The following GPC6 variants were observed in gnomAD, a reference collection of about 807,000 sequenced individuals.
GPC6 encodes glypican 6.
In GPC6, 14 loss-of-function variants were observed where a neutral mutation model predicts 55.2. That is an observed-to-expected ratio of 0.25 (90% CI 0.17 to 0.40). The LOEUF is 0.40. Among genes scored for constraint, GPC6 ranks in the 10% least tolerant of loss-of-function variants. The pLI, the probability that GPC6 is intolerant of heterozygous loss-of-function variation, is 1.00. For missense variants in GPC6, 641 were observed against 708.5 expected (o/e 0.90, Z 1.08); for synonymous variants, 278 against 259.6 (o/e 1.07, Z -0.68).
At chr13:94,158,923 TC>T (rs147346147) in intron 4 of GPC6, among the ~76,000 whole-genome samples, 3,784 of 152,200 alleles carry the variant, frequency 0.025, 129 homozygotes, top group African/African-American at 0.073. Context: ...TTTACCACTA[TC>T]CCCCAATATT....
At chr13:93,575,055 A>T (rs926489467) in intron 2 of GPC6, among the ~76,000 whole-genome samples, 9 of 152,112 alleles carry the variant, frequency 5.9e-5, no homozygotes, top group Admixed American at 3.3e-4. Flanking sequence ...GCATTTTGGG[A>T]GGCCGAGGCG....
At chr13:94,058,456 A>C (rs1884208451) in intron 4 of GPC6, among the ~76,000 whole-genome samples, 1 of 152,166 alleles carries the variant, frequency 6.6e-6, no homozygotes, top group South Asian at 2.1e-4. Flanking sequence ...TTTGGCTGTT[A>C]AGCAATTGTC....
chr13:93,725,464 A>G (rs573837763), intron 2 of GPC6, among the ~76,000 whole-genome samples: 1 of 152,172 alleles, frequency 6.6e-6, no homozygotes, highest in East Asian at 1.9e-4. Flanking sequence ...TGCTTCTCAG[A>G]CCCTTTCTAA....
intron 2 of GPC6, among the ~76,000 whole-genome samples, chr13:93,589,115 G>T (rs1186540935): frequency 2.0e-5 from 3 of 152,254 alleles, no homozygotes; most frequent in South Asian, 2.1e-4. Flanking sequence ...TTTACAGAAA[G>T]TTGGAAAAAG....
At chr13:93,840,715 C>T (rs74364202) in intron 3 of GPC6, among the ~76,000 whole-genome samples, 1 of 151,980 alleles carries the variant, frequency 6.6e-6, no homozygotes, top group Non-Finnish European at 1.5e-5. Context: ...TTGCCTATCC[C>T]CCTCAAATAC....
intron 4 of GPC6, among the ~76,000 whole-genome samples, chr13:94,183,246 T>C (rs1230758704): frequency 6.6e-5 from 10 of 152,196 alleles, no homozygotes; most frequent in Admixed American, 6.5e-4. Context: ...TAATCTCTAT[T>C]CTATTTTCTG....
intron 1 of GPC6, among the ~76,000 whole-genome samples, chr13:93,386,369 C>G (rs1260824720): frequency 1.3e-5 from 2 of 152,156 alleles, no homozygotes; most frequent in African/African-American, 4.8e-5. Flanking sequence ...CTAACACTTG[C>G]AATTGCAGTC....
In GPC6 at chr13:94,038,658, A is replaced by T. The variant is rs533107391; in HGVS notation, c.877+10764A>T. Among the ~76,000 whole-genome samples, 9 of 152,048 alleles carry T rather than the reference A, an allele frequency of 5.9e-5. No homozygotes were observed. The East Asian group carries it at 1.2e-3, about 20-fold the overall frequency. ...GTACGTACCTCTTAGCATTGTGAGG[A>T]TTAAACTAGATAATTTATGTAAATC... On this transcript the variant is annotated intron_variant, in intron 4 of 8. Transcript: ENST00000377047.
intron 4 of GPC6, among the ~76,000 whole-genome samples, chr13:94,034,217 G>GAAGC (rs1883249719): frequency 6.7e-6 from 1 of 148,862 alleles, no homozygotes; most frequent in East Asian, 2.0e-4. Context: ...AGGAAGGAAG[G>GAAGC]AAGGAAGGAA....
intron 3 of GPC6, among the ~76,000 whole-genome samples, chr13:93,952,392 G>T (rs1879290673): frequency 6.6e-6 from 1 of 152,044 alleles, no homozygotes; most frequent in African/African-American, 2.4e-5. Context: ...ATCCTGAGTT[G>T]ATATGTAGAA....
chr13:94,183,264 AT>A (rs1261988735), intron 4 of GPC6, among the ~76,000 whole-genome samples: 2 of 152,072 alleles, frequency 1.3e-5, no homozygotes, highest in Non-Finnish European at 2.9e-5. Context: ...CTGTCTCTGA[AT>A]TTGCCTATTC....
chr13:93,849,381 A>G lies in GPC6; in HGVS notation c.711+18836A>G, dbSNP rs1214750457. 3.3e-5 allele frequency among the ~76,000 whole-genome samples: 5 copies of G among 152,096 alleles called. No individual in the cohort carries two copies. The South Asian group carries it at 6.2e-4, about 19-fold the overall frequency. On this transcript the variant is annotated intron_variant, in intron 3 of 8. Coordinates refer to ENST00000377047, the MANE Select transcript of GPC6 (RefSeq NM_005708.5). ...AGAGATAAAATTAAATACTCATGGC[A>G]TGTTGTTACCCAACAGAGTGGTAGC...
intron 4 of GPC6, among the ~76,000 whole-genome samples, chr13:94,267,298 G>A (rs1247757105): frequency 2.6e-5 from 4 of 152,008 alleles, no homozygotes; most frequent in Non-Finnish European, 5.9e-5. Context: ...AACCTATAAG[G>A]GTTAGCTTGG....
intron 4 of GPC6, among the ~76,000 whole-genome samples, chr13:94,227,825 C>T (rs1392007090): frequency 6.6e-6 from 1 of 152,120 alleles, no homozygotes; most frequent in Non-Finnish European, 1.5e-5. Context: ...ATCTTGAACA[C>T]TGCCAATCAC....
the GPC6 span, among the ~76,000 whole-genome samples, chr13:93,220,914 C>T: frequency 4.7e-5 from 7 of 150,104 alleles, no homozygotes; most frequent in African/African-American, 1.8e-4. Flanking sequence ...GTGATGGGCT[C>T]TTACTGTCAC....
In GPC6 at chr13:94,075,503, A is replaced by G. The variant is rs544321011; in HGVS notation, c.877+47609A>G. ...TACCCACTTAATAAATTTTAAGTGC[A>G]CATTACCATACTGTTAATTATAGGC... On this transcript the variant is annotated intron_variant, in intron 4 of 8. Coordinates refer to ENST00000377047, the MANE Select transcript of GPC6 (RefSeq NM_005708.5). Among the ~76,000 whole-genome samples, 23 of 152,222 alleles carry G rather than the reference A, an allele frequency of 1.5e-4. No individual in the cohort carries two copies. The South Asian group carries it at 4.8e-3, about 32-fold the overall frequency.
chr13:93,796,430 C>T (rs1055450041), intron 2 of GPC6, among the ~76,000 whole-genome samples: 1 of 151,998 alleles, frequency 6.6e-6, no homozygotes, highest in Non-Finnish European at 1.5e-5. Context: ...ACCTAGCAAT[C>T]ACAGTACTAA....
chr13:94,382,475 C>T lies in GPC6; in HGVS notation c.1214C>T (p.Thr405Ile), dbSNP rs773294024. The change falls in exon 7 of 9, where the codon ACT becomes ATT. Residue 405 changes from threonine to isoleucine, a missense_variant. Transcript: ENST00000377047. Reference protein sequence around the residue: ...SKKVWSALPYTICKDESVTAG... With the variant: ...SKKVWSALPYIICKDESVTAG... Reference sequence around the variant, plus strand: ...AAGGTCTGGTCAGCATTACCCTACACTATCTGCAAGGACGAGAGCGTGACA... The same window carrying T: ...AAGGTCTGGTCAGCATTACCCTACATTATCTGCAAGGACGAGAGCGTGACA... The T allele has an allele frequency of 6.2e-7, 1 of 1,614,132 alleles. No homozygotes were observed. Among genetic ancestry groups the T allele is most frequent in the Non-Finnish European group, 8.5e-7 (1 of 1,179,956 alleles).
intron 1 of GPC6, among the ~76,000 whole-genome samples, chr13:93,455,833 A>C (rs1350761506): frequency 6.6e-6 from 1 of 152,158 alleles, no homozygotes; most frequent in East Asian, 1.9e-4. Flanking sequence ...AGGGGACTAA[A>C]GACACAACCC....
Sources: gnomAD v4.1 joint callset for allele counts (sites outside exome capture counted in the v4.1 genomes callset) on GRCh38, gnomAD v4.1.1 for gene constraint, MANE v1.5 for transcripts, NCBI Gene and HGNC (gene_info 2026-07-23, HGNC 2026-07-21) for gene names.